Variants in LIMS4 observed in about 807,000 individuals in gnomAD.
LIMS4 encodes LIM zinc finger domain containing 4.
At chr2:110,366,597 CA>C in the LIMS4 span, among the ~76,000 whole-genome samples, 1 of 151,892 alleles carries the variant, frequency 6.6e-6, no homozygotes, top group African/African-American at 2.4e-5. Flanking sequence ...ACTGAACAGG[CA>C]GAAGCTGGGA....
chr2:110,424,457 A>T, the LIMS4 span, among the ~76,000 whole-genome samples: 1 of 134,218 alleles, frequency 7.5e-6, no homozygotes, highest in Non-Finnish European at 1.5e-5. Flanking sequence ...AAGTTAAAAC[A>T]ATAATAATGG....
chr2:110,368,042 A>G, the LIMS4 span, among the ~76,000 whole-genome samples: 1 of 145,400 alleles, frequency 6.9e-6, no homozygotes, highest in Non-Finnish European at 1.5e-5. Flanking sequence ...ATAAATATAT[A>G]CATAAACATA....
the LIMS4 span, chr2:110,362,016 C>T: frequency 4.0e-5 from 50 of 1,243,330 alleles, 2 homozygotes; most frequent in East Asian, 7.0e-5. Context: ...TTCTTGGTGA[C>T]GTGGGTCTGG....
the LIMS4 span, among the ~76,000 whole-genome samples, chr2:110,372,067 T>C: frequency 1.3e-5 from 2 of 148,984 alleles, no homozygotes; most frequent in Non-Finnish European, 2.9e-5. Flanking sequence ...GGTCCCAGAC[T>C]TCACCTCAGC....
At chr2:110,361,323 C>G in the LIMS4 span, 2 of 1,399,382 alleles carry the variant, frequency 1.4e-6, no homozygotes, top group South Asian at 1.1e-5. Flanking sequence ...AAAGGCTTGT[C>G]ACGCTGGCAG....
the LIMS4 span, chr2:110,386,504 G>T: frequency 2.0e-6 from 1 of 508,886 alleles, no homozygotes. Flanking sequence ...CCCCGGACAG[G>T]CAGATCTCAC....
chr2:110,443,391 C>CT (rs1359487443), downstream of LIMS4, among the ~76,000 whole-genome samples: 1 of 266 alleles, frequency 3.8e-3, no homozygotes, highest in South Asian at 0.038. Context: ...GGTCCTCAAC[C>CT]TTTTTTGTGG....
the LIMS4 span, among the ~76,000 whole-genome samples, chr2:110,379,144 T>C: frequency 1.3e-5 from 2 of 151,454 alleles, no homozygotes; most frequent in South Asian, 2.1e-4. Flanking sequence ...TTCAGGGTTG[T>C]AGGTCAAAGT....
At chr2:110,411,475 C>T in the LIMS4 span, among the ~76,000 whole-genome samples, 3 of 136,838 alleles carry the variant, frequency 2.2e-5, 1 homozygote, top group South Asian at 7.0e-4. Context: ...AAAAAAATTG[C>T]TGGCAAAGAT....
the LIMS4 span, chr2:110,362,458 TA>T: frequency 8.7e-7 from 1 of 1,143,642 alleles, no homozygotes; most frequent in Non-Finnish European, 1.3e-6. Context: ...TAAAATTGAG[TA>T]GGAACATTGC....
At chr2:110,390,600 CA>C in the LIMS4 span, among the ~76,000 whole-genome samples, 8 of 145,056 alleles carry the variant, frequency 5.5e-5, no homozygotes, top group Admixed American at 5.5e-4. Context: ...AGGGAAGAGC[CA>C]GGGGTCATTC....
the LIMS4 span, among the ~76,000 whole-genome samples, chr2:110,425,009 C>G: frequency 7.0e-6 from 1 of 143,798 alleles, no homozygotes; most frequent in African/African-American, 2.9e-5. Context: ...GGGTCCCGGT[C>G]AGCTTTGCGG....
the LIMS4 span, among the ~76,000 whole-genome samples, chr2:110,391,213 T>A: frequency 6.6e-6 from 1 of 150,560 alleles, no homozygotes; most frequent in Non-Finnish European, 1.5e-5. Context: ...GCCCCACTGC[T>A]GTGTGGAAAC....
chr2:110,370,616 TA>T, the LIMS4 span, among the ~76,000 whole-genome samples: 2 of 22,468 alleles, frequency 8.9e-5, no homozygotes, highest in South Asian at 3.7e-3. Context: ...ACCTATTTCT[TA>T]CAGTTTTTCT....
At chr2:110,397,224 GT>G in the LIMS4 span, among the ~76,000 whole-genome samples, 6 of 97,848 alleles carry the variant, frequency 6.1e-5, no homozygotes, top group Non-Finnish European at 4.2e-5. Context: ...ACACAATATG[GT>G]TTTTTTTTAT....
the LIMS4 span, among the ~76,000 whole-genome samples, chr2:110,395,948 C>T: frequency 7.1e-6 from 1 of 141,504 alleles, no homozygotes; most frequent in African/African-American, 2.9e-5. Context: ...CCTAAAGAGA[C>T]ATGCACTACT....
chr2:110,387,511 CT>C, the LIMS4 span: 1 of 340,404 alleles, frequency 2.9e-6, no homozygotes, highest in Non-Finnish European at 5.4e-6. Flanking sequence ...CCAATTCTAA[CT>C]CATCCACTTT....
chr2:110,372,747 C>A, the LIMS4 span, among the ~76,000 whole-genome samples: 15 of 148,916 alleles, frequency 1.0e-4, no homozygotes, highest in East Asian at 2.5e-3. Flanking sequence ...CTCAAGTGAG[C>A]CACCTGCTTC....
At chr2:110,392,295 C>T in the LIMS4 span, among the ~76,000 whole-genome samples, 1 of 151,012 alleles carries the variant, frequency 6.6e-6, no homozygotes, top group East Asian at 1.9e-4. Flanking sequence ...AAAAATTAGC[C>T]AGGCGCGGTG....
Sources: allele counts gnomAD v4.1 joint callset (sites outside exome capture counted in the v4.1 genomes callset), GRCh38; gene constraint gnomAD v4.1.1; transcripts MANE v1.5; gene names NCBI Gene and HGNC (gene_info 2026-07-23, HGNC 2026-07-21).